Variants in TRABD2B observed in about 807,000 individuals in gnomAD.
The protein encoded by TRABD2B is TraB domain containing 2B.
A neutral mutation model predicts 40.1 loss-of-function variants in TRABD2B; 14 were observed. The observed-to-expected ratio is 0.35, with a 90% confidence interval of 0.23 to 0.55. TRABD2B has a LOEUF of 0.55. TRABD2B is among the 20% of genes least tolerant of loss of function. The pLI is 0.90. For missense variants in TRABD2B, 541 were observed against 648.6 expected, an observed-to-expected ratio of 0.83 and a Z score of 1.80; for synonymous variants, 263 against 277.0, an observed-to-expected ratio of 0.95 and a Z score of 0.50.
chr1:47,822,210 G>A (rs1264614217), intron 2 of TRABD2B, among the ~76,000 whole-genome samples: 4 of 151,758 alleles, frequency 2.6e-5, no homozygotes, highest in African/African-American at 7.3e-5. Flanking sequence ...GCTCACCCCC[G>A]AGGCCTGACC....
In TRABD2B at chr1:47,929,366, C is replaced by T. The variant is rs928350476; in HGVS notation, c.666+64668G>A. ...TTAGAGTCCCTGCTCTGTGCCATCC[C>T]CTGGTCATAGTCTTTACTTAAGAGG... On this transcript the variant is annotated intron_variant, in intron 2 of 6. Coordinates refer to ENST00000606738, the MANE Select transcript of TRABD2B (RefSeq NM_001194986.2). 5.9e-5 allele frequency among the ~76,000 whole-genome samples: 9 copies of T among 152,166 alleles called. No individual in the cohort carries two copies. The South Asian group carries it at 1.2e-3, about 21-fold the overall frequency.
intron 2 of TRABD2B, among the ~76,000 whole-genome samples, chr1:47,831,854 G>A (rs778917329): frequency 2.0e-5 from 3 of 152,062 alleles, no homozygotes; most frequent in Non-Finnish European, 4.4e-5. Flanking sequence ...GTATGTCGTC[G>A]CTCATCCTTT....
At position 47,996,243 on chromosome 1, in the gene TRABD2B, G is replaced by T. The variant is rs1020399332; in HGVS notation, c.102+445C>A. 6.6e-6 allele frequency among the ~76,000 whole-genome samples: 1 copy of T among 152,132 alleles called. No homozygotes were observed. The highest frequency in any genetic ancestry group is 2.4e-5 in the African/African-American group (1 of 41,418). ...CAGAGTGGGAGGGCAGGGAGAGAGA[G>T]GGAAGCCTGGGAGGGGGCAGAGTGT... On this transcript the variant is annotated intron_variant, in intron 1 of 6. Coordinates refer to ENST00000606738, the MANE Select transcript of TRABD2B (RefSeq NM_001194986.2). The surrounding 1 kb of genome is among the most constrained non-coding windows in gnomAD (Gnocchi z 4.6).
intron 4 of TRABD2B, among the ~76,000 whole-genome samples, chr1:47,789,325 C>T (rs1016218051): frequency 5.9e-5 from 9 of 152,170 alleles, no homozygotes; most frequent in Non-Finnish European, 1.0e-4. Flanking sequence ...TCATTGCAGT[C>T]AGCATCCTCT....
intron 2 of TRABD2B, among the ~76,000 whole-genome samples, chr1:47,968,718 G>C (rs1645638602): frequency 6.6e-6 from 1 of 152,170 alleles, no homozygotes; most frequent in South Asian, 2.1e-4. Flanking sequence ...CACTTCAAGA[G>C]CCTTTTCACC....
intron 2 of TRABD2B, among the ~76,000 whole-genome samples, chr1:47,838,401 G>T (rs868145258): frequency 6.6e-6 from 1 of 152,182 alleles, no homozygotes; most frequent in Non-Finnish European, 1.5e-5. Flanking sequence ...CTGGAGGAGG[G>T]TCAGCAGGGT....
At chr1:47,917,602 C>T (rs1644847454) in intron 2 of TRABD2B, among the ~76,000 whole-genome samples, 1 of 152,058 alleles carries the variant, frequency 6.6e-6, no homozygotes, top group South Asian at 2.1e-4. Flanking sequence ...TGGCATGTGC[C>T]ATGTGCCTGT....
chr1:47,857,930 C>T (rs1246749933), intron 2 of TRABD2B, among the ~76,000 whole-genome samples: 1 of 122,028 alleles, frequency 8.2e-6, no homozygotes, highest in Admixed American at 1.1e-4. Context: ...TCCATGGTTT[C>T]AGTTACTTGC....
intron 2 of TRABD2B, among the ~76,000 whole-genome samples, chr1:47,824,546 G>A (rs115896578): frequency 0.011 from 1,625 of 152,330 alleles, 14 homozygotes; most frequent in Middle Eastern, 0.017. Flanking sequence ...GGTAGGCAGA[G>A]GAAGTGGCAC....
intron 2 of TRABD2B, among the ~76,000 whole-genome samples, chr1:47,957,464 G>T (rs1645441271): frequency 6.6e-6 from 1 of 152,052 alleles, no homozygotes; most frequent in Non-Finnish European, 1.5e-5. Context: ...TAAAAACCTT[G>T]AAAAAAGATT....
intron 2 of TRABD2B, among the ~76,000 whole-genome samples, chr1:47,875,968 T>C (rs1391956174): frequency 6.6e-6 from 1 of 152,172 alleles, no homozygotes; most frequent in Non-Finnish European, 1.5e-5. Flanking sequence ...ACATGATGTA[T>C]ATTTACAAAA....
At chr1:47,853,021 G>A (rs963895583) in intron 2 of TRABD2B, among the ~76,000 whole-genome samples, 3 of 151,964 alleles carry the variant, frequency 2.0e-5, no homozygotes, top group African/African-American at 4.8e-5. Context: ...GTAAAGGGGG[G>A]TGGGTGGGAA....
intron 2 of TRABD2B, among the ~76,000 whole-genome samples, chr1:47,990,896 G>A (rs1251870082): frequency 7.0e-6 from 1 of 142,054 alleles, no homozygotes; most frequent in Non-Finnish European, 1.5e-5. Context: ...CCTATCTCCA[G>A]CCCACTGTGC....
chr1:47,952,694 C>T (rs1174801969), intron 2 of TRABD2B, among the ~76,000 whole-genome samples: 5 of 152,188 alleles, frequency 3.3e-5, no homozygotes, highest in East Asian at 1.9e-4. Flanking sequence ...CCCTCAAGGG[C>T]GTAATACATT....
chr1:47,770,434 G>A (rs144072762), intron 6 of TRABD2B, among the ~76,000 whole-genome samples: 100 of 152,320 alleles, frequency 6.6e-4, no homozygotes, highest in African/African-American at 2.3e-3. Flanking sequence ...ATGCCTTCAC[G>A]CTTTGCTCAG....
intron 2 of TRABD2B, among the ~76,000 whole-genome samples, chr1:47,837,233 C>T (rs999239488): frequency 6.6e-6 from 1 of 152,180 alleles, no homozygotes; most frequent in Non-Finnish European, 1.5e-5. Context: ...CCAGGGCCAG[C>T]AGTACAGTGG....
chr1:47,814,533 G>T (rs2124370001), intron 2 of TRABD2B, among the ~76,000 whole-genome samples: 1 of 152,300 alleles, frequency 6.6e-6, no homozygotes, highest in Non-Finnish European at 1.5e-5. Flanking sequence ...TTCCTGGCTT[G>T]CATGTTTTAG....
chr1:47,972,487 G>C (rs1351727150), intron 2 of TRABD2B, among the ~76,000 whole-genome samples: 1 of 152,128 alleles, frequency 6.6e-6, no homozygotes, highest in African/African-American at 2.4e-5. Flanking sequence ...TAGTGAATGG[G>C]ATTAGCACCC....
intron 2 of TRABD2B, among the ~76,000 whole-genome samples, chr1:47,979,643 C>T (rs1489257688): frequency 6.6e-6 from 1 of 152,164 alleles, no homozygotes; most frequent in Non-Finnish European, 1.5e-5. Context: ...TGCCTTACCC[C>T]GCCCCCACTT....
Sources: allele counts gnomAD v4.1 joint callset (sites outside exome capture counted in the v4.1 genomes callset), GRCh38; gene constraint gnomAD v4.1.1; non-coding constraint Gnocchi (gnomAD v3.1); transcripts MANE v1.5; gene names NCBI Gene and HGNC (gene_info 2026-07-23, HGNC 2026-07-21).